The following ZWILCH variants were observed in gnomAD, a reference collection of about 807,000 sequenced individuals.
The protein encoded by ZWILCH is zwilch kinetochore protein.
ZWILCH carries 74 observed loss-of-function variants against 79.9 expected under a neutral mutation model. That is an observed-to-expected ratio of 0.93 (90% confidence interval 0.77 to 1.12). The LOEUF (loss-of-function observed/expected upper bound fraction) is 1.12. Ranked by LOEUF, ZWILCH falls within the 50% of genes most tolerant of loss-of-function variation. The pLI, the probability that ZWILCH is intolerant of heterozygous loss-of-function variation, is 0.00. For synonymous variants in ZWILCH, 241 were observed against 228.2 expected, an observed-to-expected ratio of 1.06 and a Z score of -0.51; for missense variants, 694 against 687.5, an observed-to-expected ratio of 1.01 and a Z score of -0.11.
chr15:66,507,019 G>A (rs1001219106), intron 1 of ZWILCH, among the ~76,000 whole-genome samples: 5 of 151,996 alleles, frequency 3.3e-5, no homozygotes, highest in Non-Finnish European at 5.9e-5. Flanking sequence ...ACCACGCCTA[G>A]CTGATTTTTG....
intron 17 of ZWILCH, among the ~76,000 whole-genome samples, chr15:66,545,151 G>A (rs879892179): frequency 3.3e-5 from 5 of 151,902 alleles, no homozygotes; most frequent in South Asian, 4.2e-4. Flanking sequence ...TCAGGAGTTC[G>A]TGACCAGCCT....
chr15:66,517,654 A>G (rs951005917), intron 4 of ZWILCH, among the ~76,000 whole-genome samples: 2 of 149,220 alleles, frequency 1.3e-5, no homozygotes, highest in Non-Finnish European at 3.0e-5. Context: ...CCCATATTCA[A>G]ATTTTGTTAA....
chr15:66,545,977 T>C (rs896796428), intron 17 of ZWILCH, among the ~76,000 whole-genome samples: 2 of 152,174 alleles, frequency 1.3e-5, no homozygotes, highest in African/African-American at 4.8e-5. Context: ...GAGAGAAATG[T>C]GTACTTTTAG....
intron 4 of ZWILCH, among the ~76,000 whole-genome samples, chr15:66,517,446 A>ATATATATG (rs1555424260): frequency 0.011 from 1,430 of 125,766 alleles, 44 homozygotes; most frequent in Middle Eastern, 0.02. Flanking sequence ...ATATATATAT[A>ATATATATG]TATATATATA....
At chr15:66,526,892 T>C (rs534463969) in intron 8 of ZWILCH, among the ~76,000 whole-genome samples, 2 of 152,330 alleles carry the variant, frequency 1.3e-5, no homozygotes, top group South Asian at 2.1e-4. Context: ...TATCCGTCTA[T>C]CTTTGCCAAA....
In ZWILCH at chr15:66,514,045, C is replaced by G; in HGVS notation, c.163C>G (p.Leu55Val). 1 of 1,612,090 alleles carries G rather than the reference C, an allele frequency of 6.2e-7. No individual in the cohort carries two copies. ...CCAACCAAACCCTTTGAAAAATATTCTAAATGAAAATGACATAGTATTCAT... is the reference window on the plus strand; with the variant it reads ...CCAACCAAACCCTTTGAAAAATATTGTAAATGAAAATGACATAGTATTCAT... ...KGQPNPLKNI[L>V]NENDIVFIVE... The change falls in exon 3 of 19, where the codon CTA becomes GTA. Residue 55 changes from leucine (L) to valine (V), a missense_variant. Transcript: ENST00000307897.
chr15:66,515,487 C>T, intron 3 of ZWILCH, 39 bp from the exon 4 acceptor site: 1 of 1,298,314 alleles, frequency 7.7e-7, no homozygotes, highest in Non-Finnish European at 1.1e-6. Flanking sequence ...ATCCTATATG[C>T]TCTTTTGTCT....
At chr15:66,522,809 G>C (rs1385878745) in intron 7 of ZWILCH, among the ~76,000 whole-genome samples, 1 of 152,068 alleles carries the variant, frequency 6.6e-6, no homozygotes, top group Non-Finnish European at 1.5e-5. Flanking sequence ...TTCCTTCAGA[G>C]TGGCAAGATT....
At chr15:66,529,822 G>A (rs61441535) in intron 12 of ZWILCH, among the ~76,000 whole-genome samples, 2,277 of 152,256 alleles carry the variant, frequency 0.015, 59 homozygotes, top group African/African-American at 0.053. Context: ...CCTAGTGCCT[G>A]GCTCATACTT....
At chr15:66,517,368 AAT>A (rs1300148701) in intron 4 of ZWILCH, among the ~76,000 whole-genome samples, 3 of 147,046 alleles carry the variant, frequency 2.0e-5, no homozygotes, top group Admixed American at 1.4e-4. Context: ...ATATCATAAC[AAT>A]ATGTTTATAA....
At chr15:66,545,052 C>G (rs111285220) in intron 17 of ZWILCH, among the ~76,000 whole-genome samples, 1,960 of 143,676 alleles carry the variant, frequency 0.014, 35 homozygotes, top group African/African-American at 0.047. Flanking sequence ...GAAAAAAATG[C>G]CATTTTAAAG....
chr15:66,523,775 C>G lies in ZWILCH; in HGVS notation c.819+27C>G, dbSNP rs145572475. ...TGAGTATCCTTCTAGAATTCCTTTC[C>G]TTAAATCTATGTTTTTATAAACATG... On this transcript the variant is annotated intron_variant, in intron 8 of 18. Coordinates refer to ENST00000307897, the MANE Select transcript of ZWILCH (RefSeq NM_017975.5). 42 of 1,534,972 alleles carry G rather than the reference C, an allele frequency of 2.7e-5. No homozygotes were observed. In the East Asian group the frequency reaches 9.5e-4, roughly 35 times the overall value.
At chr15:66,537,077 A>C in intron 15 of ZWILCH, 91 bp from the exon 16 acceptor site, 1 of 905,902 alleles carries the variant, frequency 1.1e-6, no homozygotes, top group East Asian at 2.6e-5. Flanking sequence ...AGTACTCAAT[A>C]AAATGTTTCC....
At chr15:66,509,837 A>G (rs1348304828) in intron 2 of ZWILCH, among the ~76,000 whole-genome samples, 2 of 62,940 alleles carry the variant, frequency 3.2e-5, no homozygotes, top group East Asian at 1.8e-3. Flanking sequence ...ATATATATAT[A>G]TATATATATA....
chr15:66,527,159 C>G, intron 8 of ZWILCH, 131 bp from the exon 9 acceptor site: 1 of 660,966 alleles, frequency 1.5e-6, no homozygotes, highest in Non-Finnish European at 2.7e-6. Context: ...CATAAAGCAC[C>G]ACAGCAGTAC....
rs192723941 is a variant in ZWILCH, at chr15:66,506,730, A to G, written c.53+1339A>G. 2.0e-5 allele frequency among the ~76,000 whole-genome samples: 3 copies of G among 152,152 alleles called. No homozygotes were observed. In the East Asian group the frequency reaches 5.8e-4, roughly 29 times the overall value. On this transcript the variant is annotated intron_variant, in intron 1 of 18. Transcript: ENST00000307897. ...GTGGTGCATACCTGTAATCCTAGCT[A>G]CTCTGGAGGCTGAGGCAATAGGACT...
chr15:66,537,823 A>G (rs2140800495), intron 16 of ZWILCH, among the ~76,000 whole-genome samples: 1 of 152,234 alleles, frequency 6.6e-6, no homozygotes, highest in Non-Finnish European at 1.5e-5. Context: ...CACCTCTGAA[A>G]CCTTAATCAT....
At chr15:66,517,455 T>TATATATATATATATATATAGAGAGAG (rs1180456312) in intron 4 of ZWILCH, among the ~76,000 whole-genome samples, 27 of 115,198 alleles carry the variant, frequency 2.3e-4, no homozygotes, top group Non-Finnish European at 2.6e-4. Flanking sequence ...TATATATATA[T>TATATATATATATATATATAGAGAGAG]AGTAATGTAC....
intron 17 of ZWILCH, among the ~76,000 whole-genome samples, chr15:66,542,546 C>T (rs1895226736): frequency 2.0e-5 from 3 of 152,228 alleles, no homozygotes; most frequent in African/African-American, 4.8e-5. Context: ...GATCGCGCCA[C>T]TGCATTCCAG....
Sources: gnomAD v4.1 joint callset for allele counts (sites outside exome capture counted in the v4.1 genomes callset) on GRCh38, gnomAD v4.1.1 for gene constraint, MANE v1.5 for transcripts, NCBI Gene and HGNC (gene_info 2026-07-23, HGNC 2026-07-21) for gene names.